GAPVD1: variants seen among roughly 807,000 people sequenced by gnomAD.
GAPVD1 encodes GTPase-activating protein and VPS9 domain-containing protein 1.
In GAPVD1, 35 loss-of-function variants were observed where a neutral mutation model predicts 155.5. That is an observed-to-expected ratio of 0.23 (90% CI 0.17 to 0.30). The LOEUF (loss-of-function observed/expected upper bound fraction) is 0.30, where lower values mean the gene tolerates loss of function less well. GAPVD1 is among the 10% of genes least tolerant of loss of function. The probability of loss-of-function intolerance (pLI) is 1.00; values close to 1 mark genes in which losing one functional copy is unlikely to be tolerated. For synonymous variants in GAPVD1, 636 were observed against 619.7 expected, an observed-to-expected ratio of 1.03 and a Z score of -0.39; for missense variants, 1,429 against 1,775.7, an observed-to-expected ratio of 0.80 and a Z score of 3.51.
intron 13 of GAPVD1, 138 bp from the exon 14 acceptor site, chr9:125,331,788 A>T: frequency 1.4e-6 from 1 of 707,054 alleles, no homozygotes; most frequent in Non-Finnish European, 2.4e-6. Flanking sequence ...AACTAGCATT[A>T]ACTAGTCCAG....
At chr9:125,321,138 C>T (rs977648151) in intron 9 of GAPVD1, among the ~76,000 whole-genome samples, 2 of 152,150 alleles carry the variant, frequency 1.3e-5, no homozygotes, top group African/African-American at 4.8e-5. Flanking sequence ...GAAGGACCAG[C>T]GTGCTGACAC....
At chr9:125,332,455 T>C in intron 14 of GAPVD1, 55 bp from the exon 15 acceptor site, 2 of 1,407,110 alleles carry the variant, frequency 1.4e-6, no homozygotes, top group Non-Finnish European at 9.8e-7. Flanking sequence ...CATATACTTT[T>C]TGTGTGGATA....
intron 2 of GAPVD1, among the ~76,000 whole-genome samples, chr9:125,285,022 T>A: frequency 6.6e-6 from 1 of 152,112 alleles, no homozygotes; most frequent in East Asian, 1.9e-4. Context: ...GCCTCCTCTC[T>A]GTGCTTTGCG....
In GAPVD1 at chr9:125,266,645, A is replaced by AC. The variant is rs1164290413; in HGVS notation, c.-198-2290dup. On this transcript the variant is annotated intron_variant, in intron 1 of 27. Transcript: ENST00000297933. Reference sequence around the variant, plus strand: ...TATAATTTCTTTTGAGGATATCTATACTTTTTTTTTGAGACTAGACACTAC... The same window carrying AC: ...TATAATTTCTTTTGAGGATATCTATACCTTTTTTTTTGAGACTAGACACTAC... Among the ~76,000 whole-genome samples the AC allele has an allele frequency of 1.5e-4, 23 of 152,122 alleles. 1 individual carries two copies. Among genetic ancestry groups the AC allele is most frequent in the East Asian group, 3.9e-4 (2 of 5,176 alleles).
chr9:125,298,739 T>C (rs945225586), intron 3 of GAPVD1, 151 bp from the exon 4 acceptor site: 11 of 453,996 alleles, frequency 2.4e-5, no homozygotes, highest in Admixed American at 7.8e-5. Flanking sequence ...CCGCCCGCCT[T>C]GGCCTCCCAA....
At chr9:125,346,719 C>A in intron 19 of GAPVD1, 100 bp from the exon 20 acceptor site, 2 of 930,722 alleles carry the variant, frequency 2.1e-6, no homozygotes, top group Non-Finnish European at 3.6e-6. Context: ...TAAGTCTTAC[C>A]TCCTAATCTG....
intron 2 of GAPVD1, among the ~76,000 whole-genome samples, chr9:125,272,696 A>T (rs143548337): frequency 1.4e-3 from 209 of 152,352 alleles, no homozygotes; most frequent in African/African-American, 4.9e-3. Flanking sequence ...AATATTGTTG[A>T]CTAGGAGGTT....
chr9:125,273,511 T>A lies in GAPVD1; in HGVS notation c.-150+4527T>A, dbSNP rs567787837. Among the ~76,000 whole-genome samples the A allele has an allele frequency of 5.3e-5, 8 of 151,554 alleles. No homozygotes were observed. In the East Asian group the frequency reaches 9.7e-4, roughly 18 times the overall value. ...TTTTTCTTTTCTTTTTTTTTTTTTT[T>A]AATTCTTCAGCTAAGACTGCAGAAG... On this transcript the variant is annotated intron_variant, in intron 2 of 27. Coordinates refer to ENST00000297933, the MANE Select transcript of GAPVD1 (RefSeq NM_001282680.3).
intron 6 of GAPVD1, among the ~76,000 whole-genome samples, chr9:125,307,037 G>A (rs539588515): frequency 1.3e-5 from 2 of 152,010 alleles, no homozygotes; most frequent in South Asian, 2.1e-4. Context: ...AGGCCGAGGC[G>A]GGTGGATCAC....
intron 6 of GAPVD1, among the ~76,000 whole-genome samples, chr9:125,305,983 A>G (rs1478125892): frequency 6.6e-6 from 1 of 152,088 alleles, no homozygotes; most frequent in African/African-American, 2.4e-5. Flanking sequence ...TGTAGTTTAT[A>G]AGTTAACATC....
intron 19 of GAPVD1, 32 bp from the exon 20 acceptor site, chr9:125,346,787 G>A (rs775287705): frequency 6.3e-7 from 1 of 1,587,010 alleles, no homozygotes; most frequent in Non-Finnish European, 8.7e-7. Flanking sequence ...AAACCCAAGG[G>A]GCTAATTCTC....
At chr9:125,281,608 T>C (rs1281464101) in intron 2 of GAPVD1, among the ~76,000 whole-genome samples, 1 of 152,238 alleles carries the variant, frequency 6.6e-6, no homozygotes, top group African/African-American at 2.4e-5. Context: ...GAACTAATAT[T>C]GATACATTAT....
chr9:125,321,310 A>C lies in GAPVD1; in HGVS notation c.1603-123A>C, dbSNP rs34822905. The C allele has an allele frequency of 0.058, 37,585 of 646,714 alleles. 1,417 individuals carry two copies. The highest frequency in any genetic ancestry group is 0.069 in the Non-Finnish European group (25,698 of 373,986). The allele number at this position is 646,714 out of a possible 1,614,324, so 40.1% of individuals were successfully genotyped here. ...ATTTAAAAGCTTGACAGACCTTCTA[A>C]ATAGGTTTGTAGTTAAAAATTGATA... On this transcript the variant is annotated intron_variant, in intron 9 of 27. Coordinates refer to ENST00000297933, the MANE Select transcript of GAPVD1 (RefSeq NM_001282680.3).
Position 125,365,318 on chromosome 9 carries a change from A to ATTTTTTT in GAPVD1, c.*2583_*2589dup, listed in dbSNP as rs5900652. ...GGTATGTGAGATGGGGAGTGATTTGATTTTTTTTTTTTTTTTTAATAGAAA... is the reference window on the plus strand; with the variant it reads ...GGTATGTGAGATGGGGAGTGATTTGATTTTTTTTTTTTTTTTTTTTTTTTAATAGAAA... On this transcript the variant is annotated 3_prime_UTR_variant, in exon 28 of 28. Transcript: ENST00000297933. The ATTTTTTT allele has an allele frequency of 1.4e-5, 2 of 144,112 alleles. No homozygotes were observed. Among genetic ancestry groups the ATTTTTTT allele is most frequent in the Non-Finnish European group, 1.5e-5 (1 of 65,656 alleles). The allele number at this position is 144,112 out of a possible 1,614,324, so 8.9% of individuals were successfully genotyped here.
chr9:125,272,573 G>A (rs924707773), intron 2 of GAPVD1, among the ~76,000 whole-genome samples: 20 of 152,044 alleles, frequency 1.3e-4, no homozygotes, highest in African/African-American at 4.1e-4. Context: ...TATTGGATTC[G>A]TTCTCTTTTT....
At chr9:125,292,976 A>G (rs917725996) in intron 2 of GAPVD1, among the ~76,000 whole-genome samples, 2 of 152,216 alleles carry the variant, frequency 1.3e-5, no homozygotes, top group African/African-American at 4.8e-5. Context: ...GGAAATACCA[A>G]TCTGACAGTG....
At chr9:125,274,464 T>A (rs994331722) in intron 2 of GAPVD1, among the ~76,000 whole-genome samples, 10 of 140,842 alleles carry the variant, frequency 7.1e-5, no homozygotes, top group African/African-American at 2.6e-4. Context: ...CGCTTTGTAC[T>A]TTTTTTTTTT....
chr9:125,264,395 A>T (rs1037237313), intron 1 of GAPVD1, among the ~76,000 whole-genome samples: 11 of 152,160 alleles, frequency 7.2e-5, no homozygotes, highest in Non-Finnish European at 1.2e-4. Flanking sequence ...AGGTTTCACC[A>T]TGTTGGTCAG....
At chr9:125,326,358 G>T in intron 11 of GAPVD1, 58 bp from the exon 12 acceptor site, 1 of 1,205,038 alleles carries the variant, frequency 8.3e-7, no homozygotes, top group South Asian at 1.3e-5. Flanking sequence ...CTTTAAAGTT[G>T]ATTAAAAAGT....
Sources: gnomAD v4.1 joint callset for allele counts (sites outside exome capture counted in the v4.1 genomes callset) on GRCh38, gnomAD v4.1.1 for gene constraint, MANE v1.5 for transcripts, NCBI Gene and HGNC (gene_info 2026-07-23, HGNC 2026-07-21) for gene names.